COL26A1: variants seen among roughly 807,000 people sequenced by gnomAD.
COL26A1 encodes the protein collagen type XXVI alpha 1 chain.
Under a neutral mutation model 59.3 loss-of-function variants are expected in COL26A1, and 41 were observed. The ratio of observed to expected loss-of-function variants is 0.69; its 90% CI spans 0.54 to 0.90. COL26A1 has a LOEUF of 0.90. Ranked by LOEUF, COL26A1 falls within the 40% of genes least tolerant of loss-of-function variation. The pLI is 0.00. For missense variants in COL26A1, 612 were observed against 602.3 expected, an observed-to-expected ratio of 1.02 and a Z score of -0.17; for synonymous variants, 266 against 256.0, an observed-to-expected ratio of 1.04 and a Z score of -0.37.
chr7:101,556,893 G>GTGGATGGATGGATGGA (rs145625482), intron 12 of COL26A1, among the ~76,000 whole-genome samples: 29 of 146,652 alleles, frequency 2.0e-4, no homozygotes, highest in African/African-American at 5.6e-4. Flanking sequence ...GAATGACTGA[G>GTGGATGGATGGATGGA]TGGATGGATG....
intron 1 of COL26A1, among the ~76,000 whole-genome samples, chr7:101,397,370 T>G (rs1791879815): frequency 6.6e-6 from 1 of 151,776 alleles, no homozygotes; most frequent in Non-Finnish European, 1.5e-5. Flanking sequence ...CCTTCCTTCC[T>G]TCTTCTTCAT....
At chr7:101,467,589 C>T (rs1292109290) in intron 3 of COL26A1, among the ~76,000 whole-genome samples, 2 of 151,690 alleles carry the variant, frequency 1.3e-5, no homozygotes, top group Admixed American at 6.6e-5. Context: ...AAGATGGGGC[C>T]GGGCGCGGTG....
At chr7:101,389,793 T>C (rs1397002819) in intron 1 of COL26A1, among the ~76,000 whole-genome samples, 1 of 152,084 alleles carries the variant, frequency 6.6e-6, no homozygotes, top group African/African-American at 2.4e-5. Context: ...CCTCAGGTGA[T>C]CCGCCCATCT....
intron 3 of COL26A1, among the ~76,000 whole-genome samples, chr7:101,527,420 C>T (rs781291714): frequency 6.6e-5 from 10 of 152,056 alleles, no homozygotes; most frequent in Admixed American, 1.3e-4. Context: ...CTCTGCCTCC[C>T]AGGTTCAAGC....
chr7:101,407,332 T>G (rs562605206), intron 1 of COL26A1, among the ~76,000 whole-genome samples: 2 of 152,236 alleles, frequency 1.3e-5, no homozygotes, highest in African/African-American at 4.8e-5. Context: ...TGCTCGATAT[T>G]CCTGAGGAAC....
intron 1 of COL26A1, among the ~76,000 whole-genome samples, chr7:101,387,632 T>G (rs187324402): frequency 5.6e-4 from 75 of 134,000 alleles, no homozygotes; most frequent in African/African-American, 2.0e-3. Context: ...TCTCTCTCGC[T>G]CTCTCTCTCT....
chr7:101,474,481 A>G (rs957912103), intron 3 of COL26A1, among the ~76,000 whole-genome samples: 1 of 151,924 alleles, frequency 6.6e-6, no homozygotes, highest in African/African-American at 2.4e-5. Flanking sequence ...AGACTCAGCT[A>G]CTCAGGGGGC....
chr7:101,404,729 C>G (rs551885910), intron 1 of COL26A1, among the ~76,000 whole-genome samples: 1 of 152,188 alleles, frequency 6.6e-6, no homozygotes, highest in African/African-American at 2.4e-5. Context: ...ATCTCCCTGT[C>G]TCTACAAAAA....
In COL26A1 at chr7:101,454,549, G is replaced by A. The variant is rs7796593; in HGVS notation, c.385+6762G>A. ...GCTGGGATTACAGGGGTGAGCCACC[G>A]CACCCGGCCAAGTGTCCTTTTCAAG... On this transcript the variant is annotated intron_variant, in intron 3 of 12. Coordinates refer to ENST00000313669, the MANE Select transcript of COL26A1 (RefSeq NM_001278563.3). 5.2e-3 allele frequency among the ~76,000 whole-genome samples: 784 copies of A among 152,002 alleles called. 4 individuals carry two copies. The highest frequency in any genetic ancestry group is 0.014 in the Middle Eastern group (4 of 294).
intron 1 of COL26A1, among the ~76,000 whole-genome samples, chr7:101,415,755 G>T (rs912999196): frequency 1.3e-5 from 2 of 151,622 alleles, no homozygotes; most frequent in African/African-American, 4.8e-5. Flanking sequence ...TCAGCCTCCC[G>T]AGTAGCTGGG....
At chr7:101,420,473 C>A (rs969820853) in intron 2 of COL26A1, among the ~76,000 whole-genome samples, 1 of 152,106 alleles carries the variant, frequency 6.6e-6, no homozygotes, top group Non-Finnish European at 1.5e-5. Flanking sequence ...CCTTGGAAAT[C>A]CAGCCTGTCT....
At chr7:101,400,387 A>G (rs1424437396) in intron 1 of COL26A1, among the ~76,000 whole-genome samples, 2 of 94,444 alleles carry the variant, frequency 2.1e-5, no homozygotes, top group African/African-American at 8.2e-5. Flanking sequence ...TTTGAGATGG[A>G]GTCTCACTCT....
At chr7:101,495,872 T>A (rs923383020) in intron 3 of COL26A1, among the ~76,000 whole-genome samples, 2 of 151,402 alleles carry the variant, frequency 1.3e-5, no homozygotes, top group Non-Finnish European at 2.9e-5. Context: ...GGCGGGATGA[T>A]CACACGAACC....
chr7:101,363,528 T>TGGGGCGC (rs879320282), intron 1 of COL26A1, among the ~76,000 whole-genome samples: 23,334 of 62,098 alleles, frequency 0.38, 2,703 homozygotes, highest in East Asian at 0.62. Flanking sequence ...GATTGGGGGC[T>TGGGGCGC]GGGGCGCGGG....
intron 3 of COL26A1, among the ~76,000 whole-genome samples, chr7:101,478,680 T>C (rs1326182511): frequency 6.6e-6 from 1 of 152,224 alleles, no homozygotes; most frequent in African/African-American, 2.4e-5. Context: ...TTTAAAGGAA[T>C]AAAATGTTAT....
intron 2 of COL26A1, among the ~76,000 whole-genome samples, chr7:101,421,720 G>A (rs1001679101): frequency 6.6e-6 from 1 of 151,790 alleles, no homozygotes; most frequent in African/African-American, 2.4e-5. Context: ...GCTTATGATG[G>A]TATCTACCAG....
intron 1 of COL26A1, among the ~76,000 whole-genome samples, chr7:101,372,397 A>C (rs1308189277): frequency 6.6e-6 from 1 of 151,980 alleles, no homozygotes; most frequent in African/African-American, 2.4e-5. Context: ...CCTGACGTCA[A>C]GTGATCCATC....
At chr7:101,376,298 C>A (rs1436282687) in intron 1 of COL26A1, among the ~76,000 whole-genome samples, 1 of 152,016 alleles carries the variant, frequency 6.6e-6, no homozygotes, top group Non-Finnish European at 1.5e-5. Flanking sequence ...CAGAGTGAGA[C>A]CCTGTCTCAA....
chr7:101,435,570 GCTCT>G (rs1792894627), intron 2 of COL26A1, among the ~76,000 whole-genome samples: 1 of 152,140 alleles, frequency 6.6e-6, no homozygotes, highest in Non-Finnish European at 1.5e-5. Context: ...CCCCGGCTGG[GCTCT>G]GTTCATTGCA....
Sources: allele counts gnomAD v4.1 joint callset (sites outside exome capture counted in the v4.1 genomes callset), GRCh38; gene constraint gnomAD v4.1.1; transcripts MANE v1.5; gene names NCBI Gene and HGNC (gene_info 2026-07-23, HGNC 2026-07-21).